Variants in CDH12 observed in about 807,000 individuals in gnomAD.
CDH12 encodes the protein cadherin 12.
Under a neutral mutation model 74.1 loss-of-function variants are expected in CDH12, and 41 were observed. The ratio of observed to expected loss-of-function variants is 0.55; its 90% CI spans 0.43 to 0.72. CDH12 has a LOEUF of 0.72. CDH12 is among the 30% of genes least tolerant of loss of function. CDH12 has a pLI of 0.00. For missense variants in CDH12, 945 were observed against 977.2 expected (o/e 0.97, Z 0.44); for synonymous variants, 399 against 355.0 (o/e 1.12, Z -1.39).
chr5:22,658,893 G>A (rs995674127), intron 1 of CDH12, among the ~76,000 whole-genome samples: 5 of 152,002 alleles, frequency 3.3e-5, no homozygotes, highest in African/African-American at 4.8e-5. Context: ...TACTACTTTC[G>A]TCAAGGCAAA....
chr5:22,008,278 G>C (rs1737082503), intron 5 of CDH12, among the ~76,000 whole-genome samples: 1 of 151,614 alleles, frequency 6.6e-6, no homozygotes, highest in East Asian at 1.9e-4. Context: ...CACCCAGGCT[G>C]AAGTGCAGTG....
At chr5:22,435,353 C>T (rs1744334473) in intron 2 of CDH12, among the ~76,000 whole-genome samples, 1 of 151,336 alleles carries the variant, frequency 6.6e-6, no homozygotes, top group African/African-American at 2.4e-5. Flanking sequence ...TATCGTGAGA[C>T]CTTGTGATCA....
intron 11 of CDH12, among the ~76,000 whole-genome samples, chr5:21,771,596 G>A (rs1205772433): frequency 6.6e-6 from 1 of 152,036 alleles, no homozygotes; most frequent in Non-Finnish European, 1.5e-5. Flanking sequence ...TTAAGATTAG[G>A]GGTTGTGGAG....
intron 3 of CDH12, among the ~76,000 whole-genome samples, chr5:22,402,885 C>T (rs1326703932): frequency 1.3e-5 from 2 of 151,972 alleles, no homozygotes; most frequent in Non-Finnish European, 2.9e-5. Context: ...CATAGTAGAC[C>T]CACAATGTTT....
At chr5:22,423,825 A>G (rs1358195993) in intron 2 of CDH12, among the ~76,000 whole-genome samples, 1 of 151,762 alleles carries the variant, frequency 6.6e-6, no homozygotes, top group Non-Finnish European at 1.5e-5. Context: ...AACACGGTGA[A>G]ACCCCGTCTC....
intron 3 of CDH12, among the ~76,000 whole-genome samples, chr5:22,248,764 T>C (rs570336501): frequency 6.6e-6 from 1 of 152,292 alleles, no homozygotes; most frequent in South Asian, 2.1e-4. Context: ...TGTGGCTAAA[T>C]TTAAAATTAT....
At chr5:22,033,164 T>G (rs111594844) in intron 5 of CDH12, among the ~76,000 whole-genome samples, 2,346 of 152,208 alleles carry the variant, frequency 0.015, 26 homozygotes, top group Non-Finnish European at 0.023. Context: ...TGTTGCAAAA[T>G]GCACTGGAAT....
At chr5:22,134,149 G>T (rs900272720) in intron 4 of CDH12, among the ~76,000 whole-genome samples, 1 of 152,084 alleles carries the variant, frequency 6.6e-6, no homozygotes, top group African/African-American at 2.4e-5. Flanking sequence ...TGACCATCAT[G>T]ACCTTGTACC....
intron 4 of CDH12, among the ~76,000 whole-genome samples, chr5:22,208,334 G>A (rs888962061): frequency 3.9e-5 from 6 of 152,146 alleles, no homozygotes; most frequent in African/African-American, 1.2e-4. Flanking sequence ...CCTGGAATAC[G>A]ATACGGGATA....
intron 1 of CDH12, among the ~76,000 whole-genome samples, chr5:22,507,966 T>A (rs10473596): frequency 0.12 from 18,678 of 152,178 alleles, 1,152 homozygotes; most frequent in South Asian, 0.16. Flanking sequence ...TCAAATTTCT[T>A]CCTCCTCCTT....
intron 6 of CDH12, among the ~76,000 whole-genome samples, chr5:21,909,286 TG>T (rs1177452012): frequency 2.0e-5 from 3 of 152,198 alleles, no homozygotes; most frequent in African/African-American, 7.2e-5. Flanking sequence ...TAATTATGCT[TG>T]TTTTTTACCC....
rs1755710056 is a variant in CDH12, at chr5:21,949,141, T to A, written c.526+25950A>T. Among the ~76,000 whole-genome samples the A allele has an allele frequency of 5.3e-5, 8 of 152,316 alleles. No homozygotes were observed. The South Asian group carries it at 1.7e-3, about 32-fold the overall frequency. ...ATAATAATAAACAAATATATTACAT[T>A]TTCGTGTATTTACTATACCATATTT... is the stretch of plus-strand genomic sequence containing the variant. On this transcript the variant is annotated intron_variant, in intron 6 of 14. Coordinates refer to ENST00000382254, the MANE Select transcript of CDH12 (RefSeq NM_004061.5).
intron 4 of CDH12, among the ~76,000 whole-genome samples, chr5:22,122,075 T>C (rs985581153): frequency 6.6e-6 from 1 of 152,172 alleles, no homozygotes; most frequent in Non-Finnish European, 1.5e-5. Context: ...GCTCAGGATC[T>C]TTCAATGCTT....
intron 2 of CDH12, among the ~76,000 whole-genome samples, chr5:22,426,580 T>A (rs1743951300): frequency 6.6e-6 from 1 of 152,146 alleles, no homozygotes; most frequent in Admixed American, 6.5e-5. Context: ...ACTAAATATT[T>A]AGTTTGTGGA....
intron 1 of CDH12, among the ~76,000 whole-genome samples, chr5:22,668,889 C>G (rs1045636328): frequency 2.6e-5 from 4 of 151,994 alleles, no homozygotes; most frequent in African/African-American, 9.7e-5. Context: ...TTCAACTCCT[C>G]TCTCTTTATC....
intron 1 of CDH12, among the ~76,000 whole-genome samples, chr5:22,645,980 C>T (rs1433837454): frequency 6.6e-6 from 1 of 151,714 alleles, no homozygotes; most frequent in East Asian, 1.9e-4. Context: ...TTTGTGCTCA[C>T]CTTATTGGGA....
rs577602183 is a variant in CDH12, at chr5:22,776,115, G to A, written c.-523+76943C>T. ...GTAGGTCTTTGTCAGCAGCATGAAT[G>A]CGGACTAATACACTTACACTGCATG... On this transcript the variant is annotated intron_variant, in intron 1 of 14. Coordinates refer to ENST00000382254, the MANE Select transcript of CDH12 (RefSeq NM_004061.5). Among the ~76,000 whole-genome samples, 4 of 152,232 alleles carry A rather than the reference G, an allele frequency of 2.6e-5. No homozygotes were observed. In the South Asian group the frequency reaches 8.3e-4, roughly 32 times the overall value.
At chr5:21,828,908 C>CTTT (rs70957070) in intron 8 of CDH12, among the ~76,000 whole-genome samples, 4 of 119,250 alleles carry the variant, frequency 3.4e-5, no homozygotes, top group Admixed American at 8.3e-5. Flanking sequence ...AATCCTATGT[C>CTTT]TTTTTTTTTT....
chr5:22,695,574 A>T (rs945080111), intron 1 of CDH12, among the ~76,000 whole-genome samples: 3 of 152,204 alleles, frequency 2.0e-5, no homozygotes, highest in African/African-American at 7.2e-5. Flanking sequence ...TGCAGAAAAC[A>T]GACATATTTT....
Sources: allele counts gnomAD v4.1 joint callset (sites outside exome capture counted in the v4.1 genomes callset), GRCh38; gene constraint gnomAD v4.1.1; transcripts MANE v1.5; gene names NCBI Gene and HGNC (gene_info 2026-07-23, HGNC 2026-07-21).